DNER: variants seen among roughly 807,000 people sequenced by gnomAD.
The protein encoded by DNER is delta and Notch-like epidermal growth factor-related receptor.
Under a neutral mutation model 78.2 loss-of-function variants are expected in DNER, and 33 were observed. The ratio of observed to expected loss-of-function variants is 0.42; its 90% confidence interval spans 0.32 to 0.56. DNER has a LOEUF of 0.56. DNER is among the 20% of genes least tolerant of loss of function. DNER has a pLI of 0.11. For missense variants in DNER, 918 were observed against 975.3 expected (o/e 0.94, Z 0.78); for synonymous variants, 417 against 384.8 (o/e 1.08, Z -0.98).
intron 8 of DNER, among the ~76,000 whole-genome samples, chr2:229,428,053 T>C (rs146650123): frequency 0.024 from 3,122 of 130,154 alleles, 62 homozygotes; most frequent in Middle Eastern, 0.054. Context: ...CTAGCCTGGG[T>C]GACAGAGCGA....
At chr2:229,417,855 T>C (rs553377568) in intron 9 of DNER, among the ~76,000 whole-genome samples, 1 of 152,250 alleles carries the variant, frequency 6.6e-6, no homozygotes, top group East Asian at 1.9e-4. Context: ...TTCAGCTTTT[T>C]ACACATTCAA....
intron 1 of DNER, among the ~76,000 whole-genome samples, chr2:229,625,480 G>T (rs1482824164): frequency 2.0e-5 from 3 of 152,148 alleles, no homozygotes; most frequent in Admixed American, 6.5e-5. Flanking sequence ...GAGCATGAAG[G>T]CCCGGTCACC....
chr2:229,568,181 C>T (rs989323274), intron 4 of DNER, among the ~76,000 whole-genome samples: 2 of 152,184 alleles, frequency 1.3e-5, no homozygotes, highest in Non-Finnish European at 2.9e-5. Flanking sequence ...AAGCCGTGTT[C>T]CAAGAGGCCC....
intron 11 of DNER, among the ~76,000 whole-genome samples, chr2:229,370,706 C>T (rs542368959): frequency 6.6e-6 from 1 of 152,320 alleles, no homozygotes; most frequent in African/African-American, 2.4e-5. Flanking sequence ...GAGTCCAACA[C>T]TCAGCAGAGT....
chr2:229,389,183 G>T (rs1185248540), intron 10 of DNER, among the ~76,000 whole-genome samples: 1 of 152,030 alleles, frequency 6.6e-6, no homozygotes, highest in Non-Finnish European at 1.5e-5. Flanking sequence ...GTGATCTTCA[G>T]CTCCTGACCC....
chr2:229,621,594 G>A (rs1344498103), intron 1 of DNER, among the ~76,000 whole-genome samples: 1 of 148,392 alleles, frequency 6.7e-6, no homozygotes, highest in Non-Finnish European at 1.5e-5. Context: ...GGAACCATGG[G>A]CCTCTTGAGC....
intron 1 of DNER, among the ~76,000 whole-genome samples, chr2:229,625,920 G>T (rs897984802): frequency 1.2e-4 from 18 of 146,616 alleles, no homozygotes; most frequent in African/African-American, 4.7e-4. Flanking sequence ...GTTGTTGTTT[G>T]TTTTTTGTTT....
At chr2:229,405,591 TGATGTAAAAA>T (rs1157596916) in intron 10 of DNER, among the ~76,000 whole-genome samples, 1 of 146,520 alleles carries the variant, frequency 6.8e-6, no homozygotes, top group East Asian at 2.7e-4. Context: ...AGCTATTCCT[TGATGTAAAAA>T]CACATTTATG....
Position 229,591,540 on chromosome 2 carries a change from G to A in DNER, c.585+40C>T. ...CCGCTGGAGTCACTTTAAGATTTCT[G>A]GTTTCTAATGTAAAAATGCACATGA... On this transcript the variant is annotated intron_variant, in intron 2 of 12. Transcript: ENST00000341772. This position sits in a 1 kb window ranked among gnomAD's most constrained non-coding sequence, Gnocchi z 4.6. 1 of 1,565,888 alleles carries A rather than the reference G, an allele frequency of 6.4e-7. No individual in the cohort carries two copies. Among genetic ancestry groups the A allele is most frequent in the Non-Finnish European group, 8.7e-7 (1 of 1,155,714 alleles).
intron 4 of DNER, among the ~76,000 whole-genome samples, chr2:229,569,037 G>A (rs991890166): frequency 6.6e-6 from 1 of 152,092 alleles, no homozygotes; most frequent in African/African-American, 2.4e-5. Flanking sequence ...GCCTATGGAT[G>A]GATGCGTATC....
intron 1 of DNER, among the ~76,000 whole-genome samples, chr2:229,677,442 T>C (rs10197431): frequency 6.6e-6 from 1 of 152,218 alleles, no homozygotes; most frequent in Non-Finnish European, 1.5e-5. Flanking sequence ...TCCAAATCCC[T>C]GTTTTGACTC....
intron 1 of DNER, among the ~76,000 whole-genome samples, chr2:229,655,770 G>T (rs1202907206): frequency 2.0e-5 from 3 of 152,070 alleles, no homozygotes; most frequent in Admixed American, 6.6e-5. Context: ...CCTGGATTGG[G>T]TGGGTCCTAA....
At chr2:229,389,951 G>A (rs1692980403) in intron 10 of DNER, among the ~76,000 whole-genome samples, 1 of 152,120 alleles carries the variant, frequency 6.6e-6, no homozygotes, top group Non-Finnish European at 1.5e-5. Flanking sequence ...TATTTCAAAG[G>A]CTGTCTTTCC....
chr2:229,483,244 T>C (rs2154211502), intron 6 of DNER, among the ~76,000 whole-genome samples: 1 of 152,330 alleles, frequency 6.6e-6, no homozygotes, highest in Non-Finnish European at 1.5e-5. Context: ...GCAATTCATT[T>C]GGGTCAAGAA....
At position 229,591,537 on chromosome 2, in the gene DNER, T is replaced by G; in HGVS notation, c.585+43A>C. ...GAACCGCTGGAGTCACTTTAAGATT[T>G]CTGGTTTCTAATGTAAAAATGCACA... On this transcript the variant is annotated intron_variant, in intron 2 of 12. Transcript: ENST00000341772. The surrounding 1 kb of genome is among the most constrained non-coding windows in gnomAD (Gnocchi z 4.6). 6.4e-7 allele frequency: 1 copy of G among 1,562,070 alleles called. No individual in the cohort carries two copies. The highest frequency in any genetic ancestry group is 1.2e-5 in the South Asian group (1 of 81,526).
intron 1 of DNER, among the ~76,000 whole-genome samples, chr2:229,655,938 C>G (rs982947343): frequency 6.6e-6 from 1 of 152,038 alleles, no homozygotes; most frequent in Admixed American, 6.5e-5. Context: ...CTGCCACAAC[C>G]CAAGGAATAC....
chr2:229,703,243 A>G (rs962578540), intron 1 of DNER, among the ~76,000 whole-genome samples: 2 of 152,230 alleles, frequency 1.3e-5, no homozygotes, highest in African/African-American at 4.8e-5. Context: ...AGACCCACAC[A>G]TGCTTGGTCA....
At chr2:229,409,564 T>C (rs1196837336) in intron 9 of DNER, among the ~76,000 whole-genome samples, 1 of 152,224 alleles carries the variant, frequency 6.6e-6, no homozygotes, top group Non-Finnish European at 1.5e-5. Flanking sequence ...AAAATAAGAC[T>C]TGATGAAAAC....
At chr2:229,456,660 C>T (rs909888671) in intron 7 of DNER, among the ~76,000 whole-genome samples, 2 of 151,960 alleles carry the variant, frequency 1.3e-5, no homozygotes, top group Admixed American at 1.3e-4. Context: ...GTGAAAATGT[C>T]CTGAAGTCAC....
Sources: gnomAD v4.1 joint callset for allele counts (sites outside exome capture counted in the v4.1 genomes callset) on GRCh38, gnomAD v4.1.1 for gene constraint, Gnocchi (gnomAD v3.1) non-coding constraint, MANE v1.5 for transcripts, NCBI Gene and HGNC (gene_info 2026-07-23, HGNC 2026-07-21) for gene names.